KCNT1: variants seen among roughly 807,000 people sequenced by gnomAD.
The protein encoded by KCNT1 is potassium sodium-activated channel subfamily T member 1.
KCNT1 carries 78 observed loss-of-function variants against 147.8 expected under a neutral mutation model. The ratio of observed to expected loss-of-function variants is 0.53; its 90% CI spans 0.44 to 0.64. KCNT1 has a LOEUF of 0.64. KCNT1 is among the 30% of genes least tolerant of loss of function. KCNT1 has a pLI of 0.00. For synonymous variants in KCNT1, 867 were observed against 748.8 expected, an observed-to-expected ratio of 1.16 and a Z score of -2.58; for missense variants, 1,419 against 1,750.3, an observed-to-expected ratio of 0.81 and a Z score of 3.38.
intron 15 of KCNT1, among the ~76,000 whole-genome samples, chr9:135,769,415 C>T (rs2131502242): frequency 6.6e-6 from 1 of 152,262 alleles, no homozygotes; most frequent in East Asian, 1.9e-4. Flanking sequence ...CACAAGCACA[C>T]CAGGAGGTGC....
rs536498010 is a variant in KCNT1 at position 135,764,441 on chromosome 9, CAG to C, written c.1036-587_1036-586del. ...CACCACGGCACTCCAGCCTGGGTGA[CAG>C]AGTGAGCCTCCGTCTCAAAAAAAAG... On this transcript the variant is annotated intron_variant, in intron 11 of 30. Coordinates refer to ENST00000371757, the MANE Select transcript of KCNT1 (RefSeq NM_020822.3). Among the ~76,000 whole-genome samples, 30 of 152,276 alleles carry C rather than the reference CAG, an allele frequency of 2.0e-4. 1 individual carries two copies. In the South Asian group the frequency reaches 5.8e-3, roughly 29 times the overall value.
chr9:135,785,017 C>T (rs1463695179), intron 27 of KCNT1, 128 bp downstream of exon 27: 1 of 1,402,142 alleles, frequency 7.1e-7, no homozygotes, highest in East Asian at 2.3e-5. Flanking sequence ...TCCCCACCTT[C>T]AGTGTCAGGG....
At chr9:135,705,760 G>T (rs1835225613) in intron 1 of KCNT1, among the ~76,000 whole-genome samples, 1 of 152,234 alleles carries the variant, frequency 6.6e-6, no homozygotes, top group Non-Finnish European at 1.5e-5. Flanking sequence ...GGCCCAGGGA[G>T]GTGAGACCAG....
At chr9:135,745,301 C>T (rs1366175037) in intron 2 of KCNT1, among the ~76,000 whole-genome samples, 2 of 152,098 alleles carry the variant, frequency 1.3e-5, no homozygotes, top group Non-Finnish European at 2.9e-5. Context: ...CATCTCCCAC[C>T]TCTCAGGGCG....
chr9:135,720,936 G>A (rs1835900159), intron 2 of KCNT1, among the ~76,000 whole-genome samples: 1 of 152,220 alleles, frequency 6.6e-6, no homozygotes, highest in Non-Finnish European at 1.5e-5. Flanking sequence ...AAACAGAGGG[G>A]GACAGTCAGG....
At chr9:135,735,854 G>A (rs1830316885) in intron 2 of KCNT1, among the ~76,000 whole-genome samples, 1 of 152,190 alleles carries the variant, frequency 6.6e-6, no homozygotes, top group South Asian at 2.1e-4. Context: ...GGGGCAGCTG[G>A]GCCTCCCGGT....
rs751828857 is a variant in KCNT1 at position 135,784,553 on chromosome 9, A to G, written c.2962A>G (p.Met988Val). ...TGGCCAGTCCTTCGTGAAGGACTAC[A>G]TGATCACCATCACCCGGCTGCTGCT... ...LLYQSFVKDY[M>V]ITITRLLLGL... Residue 988 changes from methionine to valine, a missense_variant, in exon 26 of 31, where the codon ATG (methionine) becomes GTG (valine). Around this residue, in one of 5 missense-constraint regions of KCNT1, gnomAD observed 247 missense variants for 397.1 expected, o/e 0.62. Coordinates refer to ENST00000371757, the MANE Select transcript of KCNT1 (RefSeq NM_020822.3). 9 of 1,460,392 alleles carry G rather than the reference A, an allele frequency of 6.2e-6. No individual in the cohort carries two copies. The highest frequency in any genetic ancestry group is 2.6e-4 in the Middle Eastern group (1 of 3,812). 90.5% of individuals were successfully genotyped at this position (1,460,392 alleles called of 1,614,324 possible).
chr9:135,751,962 C>A (rs1831202958), intron 4 of KCNT1: 2 of 190,484 alleles, frequency 1.0e-5, no homozygotes, highest in Non-Finnish European at 2.2e-5. Context: ...AAGATGGTGT[C>A]TCCAGTCCTT....
chr9:135,755,085 T>C, intron 5 of KCNT1, 36 bp from the exon 6 acceptor site: 1 of 1,575,624 alleles, frequency 6.3e-7, no homozygotes, highest in Non-Finnish European at 8.6e-7. Context: ...CTAGTGGCTG[T>C]GGTGCCCTAC....
Position 135,779,450 on chromosome 9 carries a change from G to A in KCNT1, c.2821G>A (p.Ala941Thr). Reference protein sequence around the residue: ...QFRAKDSYSLALSKLEKRERE... With the variant: ...QFRAKDSYSLTLSKLEKRERE... ...CCGCGCCAAGGACAGCTACTCTCTGGCTCTTTCCAAACTAGAAAAGGTGAG... is the reference window on the plus strand; with the variant it reads ...CCGCGCCAAGGACAGCTACTCTCTGACTCTTTCCAAACTAGAAAAGGTGAG... Residue 941 changes from alanine (A) to threonine (T), a missense_variant, in exon 24 of 31, where the codon GCT (alanine) becomes ACT (threonine). Physicochemically the swap from Ala to Thr is moderately conservative, Grantham distance 58. Coordinates refer to ENST00000371757, the MANE Select transcript of KCNT1 (RefSeq NM_020822.3). 6.2e-7 allele frequency: 1 copy of A among 1,613,140 alleles called. No individual in the cohort carries two copies. Among genetic ancestry groups the A allele is most frequent in the African/African-American group, 1.3e-5 (1 of 75,030 alleles).
chr9:135,782,384 C>A (rs1833678601), intron 24 of KCNT1, among the ~76,000 whole-genome samples: 1 of 152,198 alleles, frequency 6.6e-6, no homozygotes, highest in Non-Finnish European at 1.5e-5. Flanking sequence ...ACCCAGGACT[C>A]CTCCACCACT....
chr9:135,774,792 G>A (rs1169462596), intron 19 of KCNT1, among the ~76,000 whole-genome samples: 2 of 152,140 alleles, frequency 1.3e-5, no homozygotes, highest in South Asian at 2.1e-4. Context: ...GTTATGCCGA[G>A]GGCTGACCAT....
rs1312376775 is a variant in KCNT1, at chr9:135,795,079, C to T, written c.*2918C>T. The T allele has an allele frequency of 6.6e-6, 1 of 152,128 alleles. No individual in the cohort carries two copies. The highest frequency in any genetic ancestry group is 1.5e-5 in the Non-Finnish European group (1 of 68,024). The allele number at this position is 152,128 out of a possible 1,614,324, so 9.4% of individuals were successfully genotyped here. A position where few individuals can be genotyped will look rare whatever the true frequency, so the allele number is the denominator to read the frequency against. On this transcript the variant is annotated 3_prime_UTR_variant, in exon 31 of 31. Coordinates refer to ENST00000371757, the MANE Select transcript of KCNT1 (RefSeq NM_020822.3). ...GAAACATACAAAATGAGTGAGACAC[C>T]TGCTATTTTCCTTATTCCTGTTTTT...
rs779012524 is a variant in KCNT1 at position 135,778,680 on chromosome 9, G to A, written c.2595-8G>A. On this transcript the variant is annotated splice_region_variant and splice_polypyrimidine_tract_variant and intron_variant, in intron 22 of 30. Coordinates refer to ENST00000371757, the MANE Select transcript of KCNT1 (RefSeq NM_020822.3). ...TCCTCAGCCACGGGCCCTCGGTCCC[G>A]CCACCAGCCTGGACAGCCTGCTGCA... 21 of 1,611,134 alleles carry A rather than the reference G, an allele frequency of 1.3e-5. No homozygotes were observed. The highest frequency in any genetic ancestry group is 3.3e-4 in the Middle Eastern group (2 of 6,044).
chr9:135,772,648 C>T lies in KCNT1; in HGVS notation c.2009-67C>T. Reference sequence around the variant, plus strand: ...CCAGAGCTGACTGTGTTCACCTGAGCTCTGGGAACTCGCCGCCCATGGAGG... The same window carrying T: ...CCAGAGCTGACTGTGTTCACCTGAGTTCTGGGAACTCGCCGCCCATGGAGG... On this transcript the variant is annotated intron_variant, in intron 18 of 30. Coordinates refer to ENST00000371757, the MANE Select transcript of KCNT1 (RefSeq NM_020822.3). The T allele has an allele frequency of 5.7e-6, 7 of 1,225,270 alleles. 1 individual carries two copies. In the South Asian group the frequency reaches 8.3e-5, roughly 14 times the overall value. The allele number at this position is 1,225,270 out of a possible 1,614,324, so 75.9% of individuals were successfully genotyped here. A position where few individuals can be genotyped will look rare whatever the true frequency, so the allele number is the denominator to read the frequency against.
intron 10 of KCNT1, among the ~76,000 whole-genome samples, chr9:135,758,887 G>A (rs1294105958): frequency 6.6e-6 from 1 of 152,074 alleles, no homozygotes; most frequent in African/African-American, 2.4e-5. Context: ...CCAGAGCTGC[G>A]AGGGCCTCCA....
intron 16 of KCNT1, 37 bp from the exon 17 acceptor site, chr9:135,770,261 G>T (rs374511181): frequency 3.9e-6 from 6 of 1,558,310 alleles, no homozygotes. Context: ...AGCCATGGCC[G>T]AGGGTGACGC....
rs752729337 is a variant in KCNT1 at position 135,792,085 on chromosome 9, C to G, written c.3632C>G (p.Ser1211Cys). ...SDPLAHVASS[S>C]QSRKSSCSHK... ...CCCCTGGCTCACGTGGCCAGCAGCT[C>G]CCAGAGCCGGAAGAGCAGCTGCAGC... is the stretch of plus-strand genomic sequence containing the variant. The change falls in exon 31 of 31, where the codon TCC becomes TGC. Residue 1211 changes from serine (S) to cysteine (C), a missense_variant. Ser to Cys is a moderately radical substitution (Grantham distance 112). Coordinates refer to ENST00000371757, the MANE Select transcript of KCNT1 (RefSeq NM_020822.3). The G allele has an allele frequency of 2.6e-5, 41 of 1,604,366 alleles. No individual in the cohort carries two copies. In the Admixed American group the frequency reaches 4.0e-4, roughly 16 times the overall value.
Position 135,791,801 on chromosome 9 carries a change from G to T in KCNT1, c.3507G>T (p.Glu1169Asp). The change falls in exon 30 of 31, where the codon GAG (glutamate) becomes GAT (aspartate). Residue 1169 changes from glutamate to aspartate, a missense_variant. Physicochemically the swap from Glu to Asp is conservative, Grantham distance 45 (BLOSUM62 2). Around this residue, in one of 5 missense-constraint regions of KCNT1, gnomAD observed 306 missense variants for 294.2 expected, o/e 1.04. Coordinates refer to ENST00000371757, the MANE Select transcript of KCNT1 (RefSeq NM_020822.3). The part of the protein sequence containing the change: ...HLGLPTTGYD[E>D]MNDHQNTLSY... ...GCCCGGCTGTGTCCTTTGCAGACGAGATGAACGACCACCAGAACACCCTCT... is the reference window on the plus strand; with the variant it reads ...GCCCGGCTGTGTCCTTTGCAGACGATATGAACGACCACCAGAACACCCTCT... 6.2e-7 allele frequency: 1 copy of T among 1,613,796 alleles called. No individual in the cohort carries two copies. The highest frequency in any genetic ancestry group is 8.5e-7 in the Non-Finnish European group (1 of 1,179,878).
Sources: gnomAD v4.1 joint callset for allele counts (sites outside exome capture counted in the v4.1 genomes callset) on GRCh38, gnomAD v4.1.1 for gene constraint, gnomAD v4.1.1 regional missense constraint, MANE v1.5 for transcripts, NCBI Gene and HGNC (gene_info 2026-07-23, HGNC 2026-07-21) for gene names.